CD34: variants seen among roughly 807,000 people sequenced by gnomAD.
CD34 encodes the protein CD34 molecule, also known as hematopoietic progenitor cell antigen CD34.
Under a neutral mutation model 40.1 loss-of-function variants are expected in CD34, and 34 were observed. That is an observed-to-expected ratio of 0.85 (90% CI 0.65 to 1.13). The LOEUF (loss-of-function observed/expected upper bound fraction) is 1.13, where lower values mean the gene tolerates loss of function less well. Ranked by LOEUF, CD34 falls within the 50% of genes most tolerant of loss-of-function variation. The pLI is 0.00. For missense variants in CD34, 426 were observed against 466.9 expected, an observed-to-expected ratio of 0.91 and a Z score of 0.81; for synonymous variants, 209 against 190.0, an observed-to-expected ratio of 1.10 and a Z score of -0.82.
intron 1 of CD34, 72 bp from the exon 2 acceptor site, chr1:207,900,075 C>T: frequency 8.3e-7 from 1 of 1,209,870 alleles, no homozygotes; most frequent in Non-Finnish European, 1.2e-6. Context: ...ATGCAATTTC[C>T]TGACTTCAGG....
At position 207,911,024 on chromosome 1, in the gene CD34, C is replaced by T. The variant is rs1305718827; in HGVS notation, c.57G>A (p.Ala19=). 1.3e-6 allele frequency: 2 copies of T among 1,592,332 alleles called. No individual in the cohort carries two copies. The highest frequency in any genetic ancestry group is 1.7e-6 in the Non-Finnish European group (2 of 1,172,516). ...AGPRMPRGWT[A]LCLLSLLPSG... ...CACGCAGCAAACTCAGCAAGCAAAG[C>T]GCGGTCCAGCCCCGCGGCATCCTGG... Residue 19 remains alanine (A), a synonymous_variant, in exon 1 of 8, where the codon GCG becomes GCA. Transcript: ENST00000310833.
intron 5 of CD34, 65 bp from the exon 6 acceptor site, chr1:207,889,278 A>G: frequency 4.3e-6 from 7 of 1,612,186 alleles, no homozygotes; most frequent in South Asian, 2.2e-5. Flanking sequence ...CCACCCTCCC[A>G]TGCTGTTCTA....
chr1:207,899,733 G>T, intron 2 of CD34, 88 bp downstream of exon 2: 1 of 1,176,468 alleles, frequency 8.5e-7, no homozygotes, highest in Non-Finnish European at 1.2e-6. Flanking sequence ...TTCCTCTGTG[G>T]AGAGGGGAGC....
chr1:207,891,319 G>T (rs1662030195), intron 4 of CD34, among the ~76,000 whole-genome samples: 1 of 152,130 alleles, frequency 6.6e-6, no homozygotes, highest in African/African-American at 2.4e-5. Context: ...GTGTAGGGGG[G>T]TGGGGATTGG....
chr1:207,889,945 C>T, intron 4 of CD34: 1 of 1,473,426 alleles, frequency 6.8e-7, no homozygotes, highest in East Asian at 2.6e-5. Flanking sequence ...TGGCCAAAAA[C>T]AGAAAATATT....
intron 1 of CD34, 51 bp from the exon 2 acceptor site, chr1:207,900,054 G>T: frequency 7.3e-7 from 1 of 1,375,166 alleles, no homozygotes; most frequent in Non-Finnish European, 1.0e-6. Context: ...TCAGCCTGGT[G>T]ATATCACCTG....
chr1:207,894,872 G>A (rs561716286), intron 4 of CD34, among the ~76,000 whole-genome samples: 28 of 152,138 alleles, frequency 1.8e-4, no homozygotes, highest in African/African-American at 5.8e-4. Context: ...CAGAAGACAC[G>A]CCTACAGAAT....
rs1558114808 is a variant in CD34, at chr1:207,881,658, T to TTAA, written c.*6079_*6080insTTA. On this transcript the variant is annotated 3_prime_UTR_variant, in exon 8 of 8. Transcript: ENST00000310833. The stretch of plus-strand genomic sequence containing the variant: ...CTGGGTGACAGAGCGAGACTCCGTC[T>TTAA]CAAAAAAAAAAAAAAAAAAAAAGAA... 51 of 48,486 alleles carry TTAA rather than the reference T, an allele frequency of 1.1e-3. No homozygotes were observed. Among genetic ancestry groups the TTAA allele is most frequent in the African/African-American group, 5.6e-3 (49 of 8,814 alleles). The allele number at this position is 48,486 out of a possible 1,614,324, so 3.0% of individuals were successfully genotyped here. A position where few individuals can be genotyped will look rare whatever the true frequency, so the allele number is the denominator to read the frequency against.
In CD34 at chr1:207,896,616, T is replaced by C. The variant is rs111338276; in HGVS notation, c.597+877A>G. ...GAGATCTATGTGACAAATAGGCCTA[T>C]GACATCCATCAAATCTAGAGAAAAA... On this transcript the variant is annotated intron_variant, in intron 4 of 7. Transcript: ENST00000310833. Among the ~76,000 whole-genome samples the C allele has an allele frequency of 6.2e-3, 947 of 152,170 alleles. 16 individuals carry two copies. The highest frequency in any genetic ancestry group is 0.022 in the African/African-American group (904 of 41,514).
At chr1:207,899,307 C>T in intron 2 of CD34, 81 bp from the exon 3 acceptor site, 1 of 1,421,238 alleles carries the variant, frequency 7.0e-7, no homozygotes, top group Non-Finnish European at 9.8e-7. Flanking sequence ...TATGGGCATG[C>T]ACTTCAACAC....
Position 207,888,741 on chromosome 1 carries a change from C to T in CD34, c.913G>A (p.Gly305Ser), listed in dbSNP as rs1406507557. The change falls in exon 7 of 8, where the codon GGC becomes AGC. Residue 305 changes from glycine (G) to serine (S), a missense_variant. Gly to Ser is a moderately conservative substitution (Grantham distance 56, BLOSUM62 0). Coordinates refer to ENST00000310833, the MANE Select transcript of CD34 (RefSeq NM_001025109.2). ...TTCATCAGGAAATAGCCAGTGATGC[C>T]CAAGACAGCCAGCAGGGCTCCCGAG... ...VTSGALLAVL[G>S]ITGYFLMNRR... 1.2e-6 allele frequency: 2 copies of T among 1,614,206 alleles called. No individual in the cohort carries two copies. Among genetic ancestry groups the T allele is most frequent in the East Asian group, 2.2e-5 (1 of 44,882 alleles).
chr1:207,891,932 G>A (rs145837896), intron 4 of CD34, among the ~76,000 whole-genome samples: 6 of 152,214 alleles, frequency 3.9e-5, no homozygotes, highest in African/African-American at 9.6e-5. Flanking sequence ...GCAGACACAT[G>A]TCACTATAGG....
chr1:207,901,730 C>G (rs1263187974), intron 1 of CD34, among the ~76,000 whole-genome samples: 1 of 152,186 alleles, frequency 6.6e-6, no homozygotes, highest in Non-Finnish European at 1.5e-5. Flanking sequence ...TGACTTACAA[C>G]CTTGAAATGT....
chr1:207,887,604 C>G lies in CD34; in HGVS notation c.*134G>C, dbSNP rs1461174858. On this transcript the variant is annotated 3_prime_UTR_variant, in exon 8 of 8. Transcript: ENST00000310833. ...TCCTCAAGGTGTAGGGCCCCAAGAACAGCCTCTGAGGTGTGTGCAGTGGGG... is the reference window on the plus strand; with the variant it reads ...TCCTCAAGGTGTAGGGCCCCAAGAAGAGCCTCTGAGGTGTGTGCAGTGGGG... The G allele has an allele frequency of 7.0e-6, 9 of 1,291,232 alleles. No homozygotes were observed. In the South Asian group the frequency reaches 1.2e-4, roughly 17 times the overall value. The allele number at this position is 1,291,232 out of a possible 1,614,324, so 80.0% of individuals were successfully genotyped here. A position where few individuals can be genotyped will look rare whatever the true frequency, so the allele number is the denominator to read the frequency against.
At chr1:207,908,035 C>T (rs1662419952) in intron 1 of CD34, among the ~76,000 whole-genome samples, 1 of 152,204 alleles carries the variant, frequency 6.6e-6, no homozygotes, top group African/African-American at 2.4e-5. Context: ...AAAGTAAACC[C>T]AGGCCCTCCA....
intron 4 of CD34, chr1:207,889,904 G>A: frequency 2.0e-6 from 3 of 1,517,768 alleles, no homozygotes; most frequent in Middle Eastern, 2.3e-4. Flanking sequence ...CATTGCCCAT[G>A]TACACATATG....
chr1:207,887,695 G>A lies in CD34; in HGVS notation c.*43C>T. The A allele has an allele frequency of 6.2e-7, 1 of 1,611,194 alleles. No homozygotes were observed. Among genetic ancestry groups the A allele is most frequent in the Non-Finnish European group, 8.5e-7 (1 of 1,178,254 alleles). ...AGCACGTGGTCAGATGCAGAGAGGG[G>A]TGCTCTCTCGGACACTGCCCAGCCT... is the stretch of plus-strand genomic sequence containing the variant. On this transcript the variant is annotated 3_prime_UTR_variant, in exon 8 of 8. Transcript: ENST00000310833.
chr1:207,899,918 A>C lies in CD34; in HGVS notation c.165T>G (p.Asn55Lys). 1.9e-6 allele frequency: 3 copies of C among 1,614,004 alleles called. No homozygotes were observed. In the South Asian group the frequency reaches 3.3e-5, roughly 18 times the overall value. ...TQGTFSNVST[N>K]VSYQETTTPS... ...GTGTTGTAGTTTCTTGGTAGGATAC[A>C]TTTGTAGAAACATTTGAAAATGTTC... Residue 55 changes from asparagine (N) to lysine (K), a missense_variant, in exon 2 of 8, where the codon AAT becomes AAG. Transcript: ENST00000310833.
At chr1:207,888,652 A>G (rs1381046873) in intron 7 of CD34, 30 bp downstream of exon 7, 2 of 1,610,124 alleles carry the variant, frequency 1.2e-6, no homozygotes, top group East Asian at 2.2e-5. Flanking sequence ...TATCTTCCTC[A>G]TTTCCTTTAC....
Sources: allele counts gnomAD v4.1 joint callset (sites outside exome capture counted in the v4.1 genomes callset), GRCh38; gene constraint gnomAD v4.1.1; transcripts MANE v1.5; gene names NCBI Gene and HGNC (gene_info 2026-07-23, HGNC 2026-07-21).